Variants in WDR47 observed in about 807,000 individuals in gnomAD.
WDR47 encodes WD repeat domain 47.
In WDR47, 32 loss-of-function variants were observed where a neutral mutation model predicts 97.2. The observed-to-expected ratio is 0.33, with a 90% CI of 0.25 to 0.44. The LOEUF (loss-of-function observed/expected upper bound fraction) is 0.44. Among genes scored for constraint, WDR47 ranks in the 20% least tolerant of loss-of-function variants. The probability of loss-of-function intolerance (pLI) is 1.00; values close to 1 mark genes in which losing one functional copy is unlikely to be tolerated. For missense variants in WDR47, 782 were observed against 1,102.3 expected (o/e 0.71, Z 4.11); for synonymous variants, 375 against 373.5 (o/e 1.00, Z -0.05).
chr1:108,974,566 C>T lies in WDR47; in HGVS notation c.2587G>A (p.Asp863Asn). ...GAHYLLTGSY[D>N]MKIKVTDLQG... Reference sequence around the variant, plus strand: ...AGGTCTGTCACCTTTATTTTCATATCATAAGAGCCTGTTAGCAAGTAGTGA... The same window carrying T: ...AGGTCTGTCACCTTTATTTTCATATTATAAGAGCCTGTTAGCAAGTAGTGA... The change falls in exon 14 of 15, where the codon GAT (aspartate) becomes AAT (asparagine). Residue 863 changes from aspartate (D) to asparagine (N), a missense_variant. Physicochemically the swap from Asp to Asn is conservative, Grantham distance 23. This residue lies in a region of WDR47 where 228 missense variants were observed against 396.7 expected (regional missense o/e 0.57). Transcript: ENST00000369962. 1 of 1,614,092 alleles carries T rather than the reference C, an allele frequency of 6.2e-7. No homozygotes were observed. The highest frequency in any genetic ancestry group is 8.5e-7 in the Non-Finnish European group (1 of 1,179,992).
chr1:108,993,623 A>G (rs1029588354), intron 8 of WDR47, among the ~76,000 whole-genome samples: 2 of 152,184 alleles, frequency 1.3e-5, no homozygotes, highest in Non-Finnish European at 2.9e-5. Context: ...AACAGTGAGG[A>G]AAGTCCCAGG....
chr1:109,039,254 C>CT (rs751521674), intron 1 of WDR47, among the ~76,000 whole-genome samples: 4,922 of 146,104 alleles, frequency 0.034, 107 homozygotes, highest in Admixed American at 0.057. Context: ...GGTATAAATC[C>CT]TTTTTTTTTT....
chr1:109,001,124 C>T (rs923397953), intron 7 of WDR47, among the ~76,000 whole-genome samples: 6 of 151,906 alleles, frequency 3.9e-5, no homozygotes, highest in Non-Finnish European at 7.4e-5. Flanking sequence ...CCCATCTCTA[C>T]TAAAAAAATA....
At chr1:109,038,358 C>T (rs1663103990) in intron 1 of WDR47, among the ~76,000 whole-genome samples, 1 of 152,172 alleles carries the variant, frequency 6.6e-6, no homozygotes, top group South Asian at 2.1e-4. Context: ...AATAAGCTTA[C>T]TTATTTTTGA....
intron 7 of WDR47, among the ~76,000 whole-genome samples, chr1:108,996,247 A>C (rs1400482722): frequency 6.6e-6 from 1 of 152,068 alleles, no homozygotes; most frequent in Non-Finnish European, 1.5e-5. Context: ...GTAGAGACAG[A>C]GTCTCCCTAT....
At chr1:109,029,022 ATATAAG>A (rs1046394052) in intron 1 of WDR47, among the ~76,000 whole-genome samples, 1 of 152,182 alleles carries the variant, frequency 6.6e-6, no homozygotes, top group Admixed American at 6.5e-5. Context: ...TGTTCTTTAA[ATATAAG>A]TATGTCTGGA....
At chr1:109,001,387 A>G (rs923325942) in intron 7 of WDR47, among the ~76,000 whole-genome samples, 3 of 152,208 alleles carry the variant, frequency 2.0e-5, no homozygotes, top group African/African-American at 7.2e-5. Context: ...GAAACAATAA[A>G]TGTAGTTCAT....
chr1:108,996,946 T>C (rs773577605), intron 7 of WDR47, among the ~76,000 whole-genome samples: 3 of 151,934 alleles, frequency 2.0e-5, no homozygotes, highest in Non-Finnish European at 4.4e-5. Context: ...TGAAACCCCA[T>C]CTCTACTAAA....
At chr1:108,997,713 TA>T (rs1417720413) in intron 7 of WDR47, among the ~76,000 whole-genome samples, 2 of 126,248 alleles carry the variant, frequency 1.6e-5, no homozygotes, top group Admixed American at 2.1e-4. Flanking sequence ...TGAGCCGAGA[TA>T]GTGCCACTGC....
At chr1:109,002,554 T>C (rs975212844) in intron 6 of WDR47, 152 bp from the exon 7 acceptor site, 1 of 677,126 alleles carries the variant, frequency 1.5e-6, no homozygotes, top group Non-Finnish European at 2.3e-6. Context: ...AAAAACAGTA[T>C]GTGTCTTAAT....
chr1:109,040,437 A>C (rs996380610), intron 1 of WDR47, among the ~76,000 whole-genome samples: 1 of 152,088 alleles, frequency 6.6e-6, no homozygotes, highest in Non-Finnish European at 1.5e-5. Flanking sequence ...CATTCTTAAC[A>C]GTACTGGTTT....
chr1:109,041,978 T>C lies in WDR47; in HGVS notation c.-126A>G, dbSNP rs1663404902. 1.3e-5 allele frequency: 2 copies of C among 152,118 alleles called. No individual in the cohort carries two copies. The highest frequency in any genetic ancestry group is 1.5e-5 in the Non-Finnish European group (1 of 68,046). 9.4% of individuals were successfully genotyped at this position (152,118 alleles called of 1,614,324 possible). On this transcript the variant is annotated 5_prime_UTR_variant, in exon 1 of 15. Transcript: ENST00000369962. ...TGCGGCAGGAGCACGACGGCGGCGG[T>C]CTGGGTTTGGCGTCGGTCCTCCCTC...
At chr1:109,020,378 A>G (rs970719368) in intron 2 of WDR47, among the ~76,000 whole-genome samples, 3 of 151,496 alleles carry the variant, frequency 2.0e-5, no homozygotes, top group African/African-American at 7.3e-5. Context: ...CTCCTGCCTC[A>G]GCCTCCCAAG....
chr1:108,998,205 T>C (rs1659905666), intron 7 of WDR47, among the ~76,000 whole-genome samples: 1 of 152,098 alleles, frequency 6.6e-6, no homozygotes, highest in African/African-American at 2.4e-5. Context: ...TAAAAAGCAT[T>C]TAAAATGCTA....
intron 1 of WDR47, chr1:109,030,109 A>G: frequency 2.8e-6 from 3 of 1,055,688 alleles, no homozygotes; most frequent in Non-Finnish European, 4.0e-6. Flanking sequence ...CCAGAAGAAG[A>G]GAAGAAGAAA....
intron 4 of WDR47, among the ~76,000 whole-genome samples, chr1:109,012,135 G>A (rs1046700317): frequency 3.9e-5 from 6 of 152,018 alleles, no homozygotes; most frequent in African/African-American, 1.4e-4. Flanking sequence ...ATTTTTTAAC[G>A]GTAAGAATTT....
intron 1 of WDR47, among the ~76,000 whole-genome samples, chr1:109,039,898 T>G (rs996442726): frequency 7.2e-5 from 11 of 151,898 alleles, no homozygotes; most frequent in Non-Finnish European, 1.3e-4. Context: ...TAGCCGGGCG[T>G]GGTGGCAGGC....
At position 108,971,538 on chromosome 1, in the gene WDR47, C is replaced by T. The variant is rs780472489; in HGVS notation, c.2652G>A (p.Val884=). The change falls in exon 15 of 15, where the codon GTG becomes GTA. Residue 884 remains valine, a synonymous_variant. Transcript: ENST00000369962. ...GAATCACTTTGTCCTTGTGCTCCCC[C>T]ACCACCATGATAGGAAGCTGCTTGG... ...DLTKQLPIMV[V]GEHKDKVIQC... is the part of the protein sequence containing the mutation. 2 of 1,614,166 alleles carry T rather than the reference C, an allele frequency of 1.2e-6. No homozygotes were observed. Among genetic ancestry groups the T allele is most frequent in the South Asian group, 2.2e-5 (2 of 91,080 alleles).
At chr1:109,003,067 T>C (rs187885614) in intron 6 of WDR47, among the ~76,000 whole-genome samples, 2 of 152,320 alleles carry the variant, frequency 1.3e-5, no homozygotes, top group Admixed American at 6.5e-5. Flanking sequence ...CCAGTAGCCC[T>C]AACATATAGT....
Sources: allele counts gnomAD v4.1 joint callset (sites outside exome capture counted in the v4.1 genomes callset), GRCh38; gene constraint gnomAD v4.1.1; regional missense constraint gnomAD v4.1.1; transcripts MANE v1.5; gene names NCBI Gene and HGNC (gene_info 2026-07-23, HGNC 2026-07-21).